The following PAX7 variants were observed in gnomAD, a reference collection of about 807,000 sequenced individuals.
PAX7 encodes the protein paired box 7.
PAX7 carries 18 observed loss-of-function variants against 50.7 expected under a neutral mutation model. The observed-to-expected ratio is 0.36, with a 90% CI of 0.25 to 0.53. The LOEUF (loss-of-function observed/expected upper bound fraction) is 0.53. Ranked by LOEUF, PAX7 falls within the 20% of genes least tolerant of loss-of-function variation. The pLI is 0.93. For synonymous variants in PAX7, 310 were observed against 290.4 expected (o/e 1.07, Z -0.69); for missense variants, 644 against 702.9 (o/e 0.92, Z 0.95).
chr1:18,714,811 G>T (rs2089398567), intron 7 of PAX7, among the ~76,000 whole-genome samples: 1 of 152,234 alleles, frequency 6.6e-6, no homozygotes, highest in Non-Finnish European at 1.5e-5. Context: ...AGCCTAGCAG[G>T]CCCGGGTTTA....
chr1:18,692,502 A>C (rs2089087526), intron 5 of PAX7, among the ~76,000 whole-genome samples: 2 of 151,126 alleles, frequency 1.3e-5, no homozygotes, highest in Non-Finnish European at 1.5e-5. Flanking sequence ...AGATTGCGCC[A>C]CTGTACTCCA....
At chr1:18,742,794 T>C (rs1404549145) in intron 8 of PAX7, among the ~76,000 whole-genome samples, 1 of 152,192 alleles carries the variant, frequency 6.6e-6, no homozygotes, top group Non-Finnish European at 1.5e-5. Context: ...CCAGAGAGAT[T>C]CCAGGGCATT....
At chr1:18,638,513 G>C (rs544298750) in intron 4 of PAX7, among the ~76,000 whole-genome samples, 1 of 152,362 alleles carries the variant, frequency 6.6e-6, no homozygotes, top group Non-Finnish European at 1.5e-5. Context: ...TATGCAGTGA[G>C]CCTGGTCTCC....
At chr1:18,662,270 G>C (rs2088610943) in intron 4 of PAX7, among the ~76,000 whole-genome samples, 1 of 152,202 alleles carries the variant, frequency 6.6e-6, no homozygotes, top group Non-Finnish European at 1.5e-5. Flanking sequence ...TCTGAGCTTT[G>C]GTGATCTTGC....
At chr1:18,725,313 G>T (rs2236812) in intron 7 of PAX7, among the ~76,000 whole-genome samples, 1 of 25,240 alleles carries the variant, frequency 4.0e-5, no homozygotes, top group Non-Finnish European at 7.8e-5. Flanking sequence ...CCCCCCCCCC[G>T]CCCCACCAAC....
chr1:18,652,013 G>C (rs1043520832), intron 4 of PAX7, among the ~76,000 whole-genome samples: 4 of 151,996 alleles, frequency 2.6e-5, no homozygotes, highest in African/African-American at 9.7e-5. Context: ...GGCCAGGGGG[G>C]ATTGTTGGGG....
intron 8 of PAX7, 121 bp from the exon 9 acceptor site, chr1:18,744,693 G>GATGGATGGATGGATGA (rs1931346415): frequency 3.1e-6 from 1 of 322,486 alleles, no homozygotes; most frequent in Non-Finnish European, 5.3e-6. Flanking sequence ...TGGATAAATG[G>GATGGATGGATGGATGA]ATGGATGGAT....
At chr1:18,743,621 C>T (rs151015115) in intron 8 of PAX7, among the ~76,000 whole-genome samples, 1,541 of 152,378 alleles carry the variant, frequency 0.01, 38 homozygotes, top group African/African-American at 0.036. Flanking sequence ...GCTTGGGAGG[C>T]AGCATCTCTG....
At chr1:18,704,928 G>C (rs1236012338) in intron 7 of PAX7, among the ~76,000 whole-genome samples, 3 of 152,206 alleles carry the variant, frequency 2.0e-5, no homozygotes, top group African/African-American at 4.8e-5. Context: ...TGCCTCCCAA[G>C]GTTGCTGGGG....
Position 18,726,391 on chromosome 1 carries a change from A to G in PAX7, c.1156-9241A>G, listed in dbSNP as rs2089572190. On this transcript the variant is annotated intron_variant, in intron 7 of 8. Transcript: ENST00000420770. The surrounding 1 kb of genome is among the most constrained non-coding windows in gnomAD (Gnocchi z 4.8). ...CTCTGTGCTAGATCCTGTGCTCAGGATAAAAAGATAAATTCATTTCTTCAT... is the reference window on the plus strand; with the variant it reads ...CTCTGTGCTAGATCCTGTGCTCAGGGTAAAAAGATAAATTCATTTCTTCAT... Among the ~76,000 whole-genome samples, 1 of 152,224 alleles carries G rather than the reference A, an allele frequency of 6.6e-6. No individual in the cohort carries two copies. The highest frequency in any genetic ancestry group is 1.5e-5 in the Non-Finnish European group (1 of 68,034).
intron 4 of PAX7, among the ~76,000 whole-genome samples, chr1:18,671,923 G>A (rs1282088400): frequency 6.6e-6 from 1 of 151,916 alleles, no homozygotes; most frequent in Non-Finnish European, 1.5e-5. Flanking sequence ...GCTGCACTGA[G>A]CTATAATTGC....
rs1398764413 is a variant in PAX7, at chr1:18,634,201, G to C, written c.86-102G>C. ...ACCGGGATTGCTGTCTGAGGTCTTG[G>C]GGCTCAAACAAACAAAACTGGAGTC... is the stretch of plus-strand genomic sequence containing the variant. On this transcript the variant is annotated intron_variant, in intron 1 of 8. Coordinates refer to ENST00000420770, the MANE Select transcript of PAX7 (RefSeq NM_001135254.2). This position sits in a 1 kb window ranked among gnomAD's most constrained non-coding sequence, Gnocchi z 4.0. The C allele has an allele frequency of 2.2e-6, 2 of 890,884 alleles. No homozygotes were observed. Among genetic ancestry groups the C allele is most frequent in the Non-Finnish European group, 3.5e-6 (2 of 574,140 alleles). 55.2% of individuals were successfully genotyped at this position (890,884 alleles called of 1,614,324 possible).
At chr1:18,692,458 C>T (rs193230005) in intron 5 of PAX7, among the ~76,000 whole-genome samples, 2 of 151,788 alleles carry the variant, frequency 1.3e-5, no homozygotes, top group African/African-American at 4.8e-5. Flanking sequence ...AGGAGAGTCA[C>T]TTGAACGTGG....
rs958249850 is a variant in PAX7 at position 18,689,795 on chromosome 1, C to T, written c.587-1959C>T. Among the ~76,000 whole-genome samples the T allele has an allele frequency of 3.3e-5, 5 of 152,370 alleles. No individual in the cohort carries two copies. The South Asian group carries it at 8.3e-4, about 25-fold the overall frequency. ...TTGACACACCAGGCGTTTGCATGTG[C>T]TCTCCTGTCTGCCTGCAGTGCCCTT... is the stretch of plus-strand genomic sequence containing the variant. On this transcript the variant is annotated intron_variant, in intron 4 of 8. Transcript: ENST00000420770.
chr1:18,699,564 ATT>A (rs71027390), intron 5 of PAX7, among the ~76,000 whole-genome samples: 13 of 143,754 alleles, frequency 9.0e-5, no homozygotes, highest in East Asian at 2.0e-4. Context: ...AGCCAGACTG[ATT>A]TTTTTTTTTT....
chr1:18,716,122 T>A (rs1289751977), intron 7 of PAX7, among the ~76,000 whole-genome samples: 3 of 152,134 alleles, frequency 2.0e-5, no homozygotes, highest in Non-Finnish European at 4.4e-5. Context: ...CCTTTTTCAG[T>A]GGGGACGGGT....
At position 18,635,260 on chromosome 1, in the gene PAX7, G is replaced by A. The variant is rs183827251; in HGVS notation, c.451+20G>A. On this transcript the variant is annotated intron_variant, in intron 3 of 8. Transcript: ENST00000420770. Reference sequence around the variant, plus strand: ...CCTCAGGTGAGAAGGCAGCTGAGCCGGCAGAGCTGGCCCAGAGTGTGGCCA... The same window carrying A: ...CCTCAGGTGAGAAGGCAGCTGAGCCAGCAGAGCTGGCCCAGAGTGTGGCCA... 749 of 1,612,336 alleles carry A rather than the reference G, an allele frequency of 4.6e-4. 5 individuals carry two copies. In the African/African-American group the frequency reaches 7.9e-3, roughly 17 times the overall value.
rs2089570095 is a variant in PAX7 at position 18,726,208 on chromosome 1, G to A, written c.1156-9424G>A. Among the ~76,000 whole-genome samples, 1 of 151,208 alleles carries A rather than the reference G, an allele frequency of 6.6e-6. No homozygotes were observed. The highest frequency in any genetic ancestry group is 1.5e-5 in the Non-Finnish European group (1 of 67,936). The stretch of plus-strand genomic sequence containing the variant: ...TGACTTCTTGGACAATGAGTGGAAA[G>A]CCATTCTGTTCCTCCCTCCACCCCC... On this transcript the variant is annotated intron_variant, in intron 7 of 8. Coordinates refer to ENST00000420770, the MANE Select transcript of PAX7 (RefSeq NM_001135254.2). This position sits in a 1 kb window ranked among gnomAD's most constrained non-coding sequence, Gnocchi z 4.8.
chr1:18,641,895 C>T lies in PAX7; in HGVS notation c.586+5524C>T, dbSNP rs75985176. The stretch of plus-strand genomic sequence containing the variant: ...CGTCTCAAATGTTGGGAAGAGATAA[C>T]GCAATCAGGCTAACCCTGGTCCTGA... On this transcript the variant is annotated intron_variant, in intron 4 of 8. Coordinates refer to ENST00000420770, the MANE Select transcript of PAX7 (RefSeq NM_001135254.2). Among the ~76,000 whole-genome samples the T allele has an allele frequency of 4.6e-5, 7 of 152,066 alleles. No homozygotes were observed. The East Asian group carries it at 1.2e-3, about 25-fold the overall frequency.
Sources: gnomAD v4.1 joint callset for allele counts (sites outside exome capture counted in the v4.1 genomes callset) on GRCh38, gnomAD v4.1.1 for gene constraint, Gnocchi (gnomAD v3.1) non-coding constraint, MANE v1.5 for transcripts, NCBI Gene and HGNC (gene_info 2026-07-23, HGNC 2026-07-21) for gene names.